COL19A1: variants seen among roughly 807,000 people sequenced by gnomAD.
COL19A1 encodes the protein collagen alpha-1(XIX) chain.
A neutral mutation model predicts 190.2 loss-of-function variants in COL19A1; 159 were observed. That is an observed-to-expected ratio of 0.84 (90% CI 0.73 to 0.95). The LOEUF (loss-of-function observed/expected upper bound fraction) is 0.95. COL19A1 is among the 40% of genes least tolerant of loss of function. COL19A1 has a pLI of 0.00. For missense variants in COL19A1, 1,418 were observed against 1,431.9 expected (o/e 0.99, Z 0.16); for synonymous variants, 509 against 458.9 (o/e 1.11, Z -1.39).
At chr6:69,991,320 T>G (rs1776609536) in intron 11 of COL19A1, among the ~76,000 whole-genome samples, 1 of 152,124 alleles carries the variant, frequency 6.6e-6, no homozygotes, top group South Asian at 2.1e-4. Flanking sequence ...TGATTCCATG[T>G]CTTTGCTATT....
intron 2 of COL19A1, among the ~76,000 whole-genome samples, chr6:69,885,692 C>T (rs1390079779): frequency 6.6e-6 from 1 of 151,412 alleles, no homozygotes; most frequent in African/African-American, 2.4e-5. Context: ...TATTTAAGCT[C>T]TTTTAAAAAA....
intron 1 of COL19A1, among the ~76,000 whole-genome samples, chr6:69,874,316 C>A (rs1037044791): frequency 2.0e-5 from 3 of 152,192 alleles, no homozygotes; most frequent in Non-Finnish European, 4.4e-5. Flanking sequence ...ACAATCTGAA[C>A]AATTTGTTTT....
rs192070993 is a variant in COL19A1, at chr6:70,093,040, A to G, written c.1225-9129A>G. Among the ~76,000 whole-genome samples, 226 of 152,240 alleles carry G rather than the reference A, an allele frequency of 1.5e-3. 2 individuals carry two copies. The highest frequency in any genetic ancestry group is 2.5e-4 in the Non-Finnish European group (17 of 68,008). On this transcript the variant is annotated intron_variant, in intron 15 of 50. Transcript: ENST00000620364. The stretch of plus-strand genomic sequence containing the variant: ...TGCATTATTTGTCCCTCTGCATGTC[A>G]ATTTTGTTGACTCTAAACCTACAAA...
chr6:69,955,684 G>A (rs372015841), intron 9 of COL19A1, among the ~76,000 whole-genome samples: 93 of 151,846 alleles, frequency 6.1e-4, no homozygotes, highest in Middle Eastern at 3.4e-3. Flanking sequence ...TGACTGACCC[G>A]TGTGTGCCCA....
Position 70,163,368 on chromosome 6 carries a change from C to G in COL19A1, c.2372C>G (p.Pro791Arg), listed in dbSNP as rs1787931721. Reference sequence around the variant, plus strand: ...GGCTTAATGGGAAGAACTGGACATCCTGGTCCCACAGGAGCAAAAGGTGAA... The same window carrying G: ...GGCTTAATGGGAAGAACTGGACATCGTGGTCCCACAGGAGCAAAAGGTGAA... ...PPGLMGRTGH[P>R]GPTGAKGEKG... Residue 791 changes from proline (P) to arginine (R), a missense_variant, in exon 36 of 51, where the codon CCT becomes CGT. Physicochemically the swap from Pro to Arg is moderately radical, Grantham distance 103. Coordinates refer to ENST00000620364, the MANE Select transcript of COL19A1 (RefSeq NM_001858.6). The G allele has an allele frequency of 6.2e-7, 1 of 1,612,272 alleles. No individual in the cohort carries two copies. Among genetic ancestry groups the G allele is most frequent in the South Asian group, 1.1e-5 (1 of 90,930 alleles).
chr6:69,912,255 T>G (rs1242757385), intron 4 of COL19A1, among the ~76,000 whole-genome samples: 1 of 152,238 alleles, frequency 6.6e-6, no homozygotes, highest in Non-Finnish European at 1.5e-5. Context: ...TCCATAATTC[T>G]TACATAATTC....
At chr6:69,925,535 T>G (rs1378348039) in intron 4 of COL19A1, among the ~76,000 whole-genome samples, 10 of 152,052 alleles carry the variant, frequency 6.6e-5, no homozygotes, top group African/African-American at 1.2e-4. Context: ...CTCCAGCTTT[T>G]TTCTTTTGGC....
intron 2 of COL19A1, among the ~76,000 whole-genome samples, chr6:69,887,332 A>G (rs967424624): frequency 1.3e-5 from 2 of 152,162 alleles, no homozygotes; most frequent in African/African-American, 4.8e-5. Context: ...TATAATAAGA[A>G]TGGAGTTTTT....
intron 9 of COL19A1, among the ~76,000 whole-genome samples, chr6:69,953,743 C>T (rs574397822): frequency 1.3e-5 from 2 of 152,074 alleles, no homozygotes; most frequent in East Asian, 3.9e-4. Flanking sequence ...CTTTTATTTG[C>T]TAAACAGTCA....
At chr6:69,998,055 C>A (rs58591650) in intron 11 of COL19A1, among the ~76,000 whole-genome samples, 3 of 151,908 alleles carry the variant, frequency 2.0e-5, no homozygotes, top group African/African-American at 4.8e-5. Flanking sequence ...GACAAAAAGG[C>A]CTTAGAATGA....
intron 15 of COL19A1, among the ~76,000 whole-genome samples, chr6:70,083,802 G>A (rs541601697): frequency 5.3e-5 from 8 of 152,282 alleles, no homozygotes; most frequent in African/African-American, 1.7e-4. Context: ...TCTATATAAA[G>A]CAAGGATAAC....
intron 16 of COL19A1, among the ~76,000 whole-genome samples, chr6:70,113,584 T>C (rs997395727): frequency 1.3e-5 from 2 of 152,196 alleles, no homozygotes; most frequent in African/African-American, 4.8e-5. Context: ...CACCATCTTA[T>C]AAGCGCGAAG....
chr6:69,952,188 A>G (rs1427892344), intron 9 of COL19A1, among the ~76,000 whole-genome samples: 10 of 151,868 alleles, frequency 6.6e-5, no homozygotes, highest in Non-Finnish European at 1.3e-4. Flanking sequence ...TCACCAAATG[A>G]GAGGGTTTTG....
intron 15 of COL19A1, among the ~76,000 whole-genome samples, chr6:70,084,539 G>A (rs1782469951): frequency 6.6e-6 from 1 of 152,240 alleles, no homozygotes; most frequent in South Asian, 2.1e-4. Flanking sequence ...AGTGTCGTCA[G>A]AGAGAAGCCT....
intron 16 of COL19A1, among the ~76,000 whole-genome samples, chr6:70,103,303 T>C (rs1223900743): frequency 2.0e-5 from 3 of 152,198 alleles, no homozygotes; most frequent in African/African-American, 4.8e-5. Flanking sequence ...AGTTTAGACC[T>C]CTGTCAATTT....
At chr6:69,888,648 C>T (rs1030659648) in intron 2 of COL19A1, among the ~76,000 whole-genome samples, 5 of 152,016 alleles carry the variant, frequency 3.3e-5, no homozygotes, top group African/African-American at 1.2e-4. Flanking sequence ...AAAAAATTAG[C>T]CGGGCGTGGT....
intron 9 of COL19A1, among the ~76,000 whole-genome samples, chr6:69,954,446 T>C (rs1203177793): frequency 6.6e-6 from 1 of 152,012 alleles, no homozygotes; most frequent in Non-Finnish European, 1.5e-5. Context: ...AGAGAATGAC[T>C]GTTAGAAAAC....
chr6:69,997,183 A>G (rs1322241345), intron 11 of COL19A1, among the ~76,000 whole-genome samples: 1 of 152,150 alleles, frequency 6.6e-6, no homozygotes, highest in Non-Finnish European at 1.5e-5. Context: ...GGACTGCAAC[A>G]TTGAATGCCT....
intron 46 of COL19A1, among the ~76,000 whole-genome samples, chr6:70,187,102 A>T (rs1169223074): frequency 1.3e-5 from 2 of 151,914 alleles, no homozygotes; most frequent in Non-Finnish European, 2.9e-5. Context: ...CTGGTCTCGA[A>T]CTCCTGACCT....
Sources: allele counts gnomAD v4.1 joint callset (sites outside exome capture counted in the v4.1 genomes callset), GRCh38; gene constraint gnomAD v4.1.1; transcripts MANE v1.5; gene names NCBI Gene and HGNC (gene_info 2026-07-23, HGNC 2026-07-21).